LGI1: variants seen among roughly 807,000 people sequenced by gnomAD.
The protein encoded by LGI1 is leucine rich glioma inactivated 1.
In LGI1, 11 loss-of-function variants were observed where a neutral mutation model predicts 57.7. The observed-to-expected ratio is 0.19, with a 90% CI of 0.12 to 0.32. The LOEUF is 0.32. Among genes scored for constraint, LGI1 ranks in the 10% least tolerant of loss-of-function variants. LGI1 has a pLI of 1.00. For synonymous variants in LGI1, 222 were observed against 241.9 expected, an observed-to-expected ratio of 0.92 and a Z score of 0.76; for missense variants, 422 against 661.9, an observed-to-expected ratio of 0.64 and a Z score of 3.98.
chr10:93,761,702 A>G (rs1298374709), intron 2 of LGI1, among the ~76,000 whole-genome samples: 4 of 152,224 alleles, frequency 2.6e-5, no homozygotes, highest in African/African-American at 9.7e-5. Context: ...CGTAGAGAAG[A>G]GAGAGAAAGA....
At chr10:93,781,291 G>A (rs181888895) in intron 4 of LGI1, among the ~76,000 whole-genome samples, 5 of 152,112 alleles carry the variant, frequency 3.3e-5, no homozygotes, top group South Asian at 2.1e-4. Flanking sequence ...CCCGGGAGGC[G>A]GAGCTTGCAG....
chr10:93,775,699 C>G (rs920556296), intron 2 of LGI1, among the ~76,000 whole-genome samples: 1 of 152,140 alleles, frequency 6.6e-6, no homozygotes, highest in East Asian at 1.9e-4. Flanking sequence ...GCAAGTTCTG[C>G]CCACTAATAT....
intron 2 of LGI1, chr10:93,766,959 C>T (rs2059686742): frequency 6.6e-6 from 1 of 152,172 alleles, no homozygotes; most frequent in African/African-American, 2.4e-5. Flanking sequence ...AACCCATGTC[C>T]TCACTTTTAA....
At chr10:93,774,855 A>G (rs983358171) in intron 2 of LGI1, among the ~76,000 whole-genome samples, 2 of 152,194 alleles carry the variant, frequency 1.3e-5, no homozygotes, top group Non-Finnish European at 2.9e-5. Flanking sequence ...CATACAAATT[A>G]AGGGTCAGAG....
In LGI1 at chr10:93,797,779, T is replaced by C. The variant is rs563455611; in HGVS notation, c.1650T>C (p.His550=). The stretch of plus-strand genomic sequence containing the variant: ...AGGGAAATACACAGATTTACAAACA[T>C]GTCATAGTTGACTTAAGCGCATGAG... The part of the protein sequence containing the change: ...SFKGNTQIYK[H]VIVDLSA Residue 550 remains histidine, a synonymous_variant, in exon 8 of 8, where the codon CAT becomes CAC. Coordinates refer to ENST00000371418, the MANE Select transcript of LGI1 (RefSeq NM_005097.4). This position sits in a 1 kb window ranked among gnomAD's most constrained non-coding sequence, Gnocchi z 6.5. The C allele has an allele frequency of 4.4e-6, 7 of 1,602,980 alleles. No individual in the cohort carries two copies. The South Asian group carries it at 6.6e-5, about 15-fold the overall frequency.
chr10:93,771,447 T>C (rs766054361), intron 2 of LGI1: 1 of 152,102 alleles, frequency 6.6e-6, no homozygotes, highest in Non-Finnish European at 1.5e-5. Flanking sequence ...TGTTTTCACT[T>C]ATAAGTGGGG....
intron 5 of LGI1, chr10:93,790,432 T>C (rs1160877830): frequency 1.6e-5 from 7 of 449,360 alleles, no homozygotes; most frequent in Non-Finnish European, 2.3e-5. Flanking sequence ...GGAGCGATGA[T>C]AAAGGACTTT....
intron 4 of LGI1, among the ~76,000 whole-genome samples, chr10:93,784,336 A>G (rs1171862719): frequency 1.3e-5 from 2 of 152,180 alleles, no homozygotes; most frequent in Non-Finnish European, 2.9e-5. Flanking sequence ...TCCTAGTGTC[A>G]TCTATTAATT....
Position 93,790,184 on chromosome 10 carries a change from A to C in LGI1, c.503+14A>C, listed in dbSNP as rs374526162. The stretch of plus-strand genomic sequence containing the variant: ...TTTAACAAATGTGTAAGAGGACCTA[A>C]GAAATCACTGAACAATTAATTAATT... On this transcript the variant is annotated intron_variant, in intron 5 of 7. Transcript: ENST00000371418. 2 of 1,587,314 alleles carry C rather than the reference A, an allele frequency of 1.3e-6. No homozygotes were observed. Among genetic ancestry groups the C allele is most frequent in the Non-Finnish European group, 1.7e-6 (2 of 1,159,826 alleles).
rs190732203 is a variant in LGI1 at position 93,781,892 on chromosome 10, T to C, written c.431+4275T>C. On this transcript the variant is annotated intron_variant, in intron 4 of 7. Coordinates refer to ENST00000371418, the MANE Select transcript of LGI1 (RefSeq NM_005097.4). ...TATTTGGAGAAAATTATCATCAATCTATATGTATTGTAGAGTATCCAATGG... is the reference window on the plus strand; with the variant it reads ...TATTTGGAGAAAATTATCATCAATCCATATGTATTGTAGAGTATCCAATGG... Among the ~76,000 whole-genome samples, 382 of 152,330 alleles carry C rather than the reference T, an allele frequency of 2.5e-3. 3 individuals are homozygous for C. The highest frequency in any genetic ancestry group is 8.8e-3 in the African/African-American group (365 of 41,570).
intron 5 of LGI1, chr10:93,791,472 A>G (rs929409150): frequency 1.3e-5 from 2 of 152,244 alleles, no homozygotes; most frequent in African/African-American, 4.8e-5. Flanking sequence ...TGGGAATCCC[A>G]AGATGGGTTT....
chr10:93,771,588 C>T (rs10882331), intron 2 of LGI1: 127,493 of 152,168 alleles, frequency 0.84, 53,542 homozygotes, highest in East Asian at 0.99. Context: ...ATTCGGGTGA[C>T]GGTTACACCA....
chr10:93,779,145 A>C (rs922237553), intron 4 of LGI1, among the ~76,000 whole-genome samples: 1 of 152,176 alleles, frequency 6.6e-6, no homozygotes, highest in African/African-American at 2.4e-5. Context: ...AATAAACAAA[A>C]GAAACAAATA....
At chr10:93,782,924 C>T (rs1424993230) in intron 4 of LGI1, 1 of 152,142 alleles carries the variant, frequency 6.6e-6, no homozygotes, top group South Asian at 2.1e-4. Flanking sequence ...CAGTCACAAT[C>T]GGAGGTTTTC....
At chr10:93,781,755 T>G (rs2059849690) in intron 4 of LGI1, among the ~76,000 whole-genome samples, 1 of 152,244 alleles carries the variant, frequency 6.6e-6, no homozygotes, top group African/African-American at 2.4e-5. Flanking sequence ...CATTATGTAT[T>G]GGCTTCTAGT....
chr10:93,777,489 A>T (rs1286413707), intron 3 of LGI1, 39 bp downstream of exon 3: 1 of 1,609,116 alleles, frequency 6.2e-7, no homozygotes, highest in East Asian at 2.2e-5. Flanking sequence ...ATGATTCAGG[A>T]CAAGTACTCT....
rs929752777 is a variant in LGI1, at chr10:93,793,029, A to C, written c.673+117A>C. On this transcript the variant is annotated intron_variant, in intron 6 of 7. Coordinates refer to ENST00000371418, the MANE Select transcript of LGI1 (RefSeq NM_005097.4). Reference sequence around the variant, plus strand: ...AAAACTAGCTGAGCAACTTAATTTTAAAAAAATTATGAACCATTGACAATG... The same window carrying C: ...AAAACTAGCTGAGCAACTTAATTTTCAAAAAATTATGAACCATTGACAATG... The C allele has an allele frequency of 6.4e-6, 8 of 1,248,734 alleles. No individual in the cohort carries two copies. In the African/African-American group the frequency reaches 1.1e-4, roughly 17 times the overall value. The allele number at this position is 1,248,734 out of a possible 1,614,324, so 77.4% of individuals were successfully genotyped here.
At chr10:93,762,470 C>T (rs1179329800) in intron 2 of LGI1, 2 of 152,166 alleles carry the variant, frequency 1.3e-5, no homozygotes, top group African/African-American at 2.4e-5. Flanking sequence ...ATATCCATGG[C>T]CTCCTTTACC....
intron 4 of LGI1, among the ~76,000 whole-genome samples, chr10:93,780,035 A>G (rs1564846166): frequency 6.6e-6 from 1 of 152,240 alleles, no homozygotes; most frequent in Non-Finnish European, 1.5e-5. Context: ...GATGTGACAC[A>G]TGCTTTACAA....
Sources: gnomAD v4.1 joint callset for allele counts (sites outside exome capture counted in the v4.1 genomes callset) on GRCh38, gnomAD v4.1.1 for gene constraint, Gnocchi (gnomAD v3.1) non-coding constraint, MANE v1.5 for transcripts, NCBI Gene and HGNC (gene_info 2026-07-23, HGNC 2026-07-21) for gene names.